Variants in SNRPB observed in about 807,000 individuals in gnomAD.
SNRPB encodes the protein small nuclear ribonucleoprotein-associated proteins B and B'.
A neutral mutation model predicts 26.6 loss-of-function variants in SNRPB; 5 were observed. That is an observed-to-expected ratio of 0.19 (90% CI 0.10 to 0.39). The LOEUF (loss-of-function observed/expected upper bound fraction) is 0.39. Among genes scored for constraint, SNRPB ranks in the 10% least tolerant of loss-of-function variants. The probability of loss-of-function intolerance (pLI) is 1.00; values close to 1 mark genes in which losing one functional copy is unlikely to be tolerated. For missense variants in SNRPB, 211 were observed against 311.9 expected (o/e 0.68, Z 2.44); for synonymous variants, 122 against 105.8 (o/e 1.15, Z -0.94).
chr20:2,464,588 A>C (rs1290545549), intron 3 of SNRPB, among the ~76,000 whole-genome samples: 2 of 152,252 alleles, frequency 1.3e-5, no homozygotes, highest in African/African-American at 4.8e-5. Flanking sequence ...AACTAGAAAA[A>C]TGTTAACATT....
intron 6 of SNRPB, 123 bp downstream of exon 6, chr20:2,462,513 T>C (rs1005480355): frequency 4.3e-6 from 4 of 934,786 alleles, no homozygotes; most frequent in African/African-American, 3.2e-5. Flanking sequence ...CTTTCCTTTC[T>C]GGATTTCCCT....
At chr20:2,467,097 G>A (rs149384959) in intron 2 of SNRPB, 2 of 290,020 alleles carry the variant, frequency 6.9e-6, no homozygotes, top group East Asian at 1.2e-4. Context: ...AATAACTTAC[G>A]GAATTGTAGC....
At position 2,465,772 on chromosome 20, in the gene SNRPB, C is replaced by T; in HGVS notation, c.203G>A (p.Gly68Asp). The T allele has an allele frequency of 6.2e-7, 1 of 1,613,764 alleles. No homozygotes were observed. Among genetic ancestry groups the T allele is most frequent in the Non-Finnish European group, 8.5e-7 (1 of 1,179,974 alleles). ...QAEREEKRVL[G>D]LVLLRGENLV... The stretch of plus-strand genomic sequence containing the variant: ...ATTCTCCCCTCGCAGCAGCACCAGA[C>T]CGAGGACTCGCTTCTCTTCCCTTTC... The change falls in exon 3 of 7, where the codon GGT (glycine) becomes GAT (aspartate). Residue 68 changes from glycine (G) to aspartate (D), a missense_variant. By Grantham distance (94) the Gly-to-Asp change is moderately conservative. Transcript: ENST00000381342.
Position 2,463,874 on chromosome 20 carries a change from G to C in SNRPB, c.293C>G (p.Ala98Gly), listed in dbSNP as rs2122486426. The change falls in exon 4 of 7, where the codon GCT (alanine) becomes GGT (glycine). Residue 98 changes from alanine to glycine, a missense_variant. By Grantham distance (60) the Ala-to-Gly change is moderately conservative. Transcript: ENST00000381342. The surrounding 1 kb of genome is among the most constrained non-coding windows in gnomAD (Gnocchi z 5.0). ...KDTGIARVPLAGAAGGPGIGR... is the reference protein window; with the variant it reads ...KDTGIARVPLGGAAGGPGIGR... ...GATCCCTGGGCCCCCGGCAGCTCCA[G>C]CAAGTGGAACTCGAGCAATACCAGT... is the stretch of plus-strand genomic sequence containing the variant. 2 of 1,613,526 alleles carry C rather than the reference G, an allele frequency of 1.2e-6. No homozygotes were observed. Among genetic ancestry groups the C allele is most frequent in the African/African-American group, 1.3e-5 (1 of 74,992 alleles).
Position 2,463,804 on chromosome 20 carries a change from G to T in SNRPB, c.363C>A (p.Pro121=). 6.2e-7 allele frequency: 1 copy of T among 1,613,294 alleles called. No homozygotes were observed. Among genetic ancestry groups the T allele is most frequent in the Admixed American group, 1.7e-5 (1 of 59,904 alleles). The part of the protein sequence containing the change: ...GRGIPAGVPM[P]QAPAGLAGPV... The stretch of plus-strand genomic sequence containing the variant: ...GCCCAGCAAGTCCTGCAGGAGCCTG[G>T]GGCATGGGAACCCCAGCTGGGATTC... Residue 121 remains proline (P), a synonymous_variant, in exon 4 of 7, where the codon CCC becomes CCA. Transcript: ENST00000381342. This position sits in a 1 kb window ranked among gnomAD's most constrained non-coding sequence, Gnocchi z 5.0.
intron 2 of SNRPB, among the ~76,000 whole-genome samples, chr20:2,466,335 C>T (rs1284353946): frequency 1.3e-5 from 2 of 152,196 alleles, no homozygotes; most frequent in African/African-American, 2.4e-5. Context: ...AGAAATTTCA[C>T]ATACACAGAA....
Position 2,467,761 on chromosome 20 carries a change from G to A in SNRPB, c.4-3C>T, listed in dbSNP as rs2085084310. The stretch of plus-strand genomic sequence containing the variant: ...ATCTTGCTGCTCTTGCCCACCGTCT[G>A]CAAGGAGAAATGGACAGGGATGAGA... On this transcript the variant is annotated splice_region_variant and splice_polypyrimidine_tract_variant and intron_variant, in intron 1 of 6. Coordinates refer to ENST00000381342, the MANE Select transcript of SNRPB (RefSeq NM_003091.4). 1.2e-6 allele frequency: 2 copies of A among 1,613,644 alleles called. No individual in the cohort carries two copies. Among genetic ancestry groups the A allele is most frequent in the South Asian group, 1.1e-5 (1 of 91,058 alleles).
intron 1 of SNRPB, among the ~76,000 whole-genome samples, chr20:2,468,745 G>C (rs543051295): frequency 6.6e-6 from 1 of 152,306 alleles, no homozygotes; most frequent in Non-Finnish European, 1.5e-5. Context: ...GGCTAACATG[G>C]CGAAGCCCCG....
chr20:2,469,823 T>A (rs892451564), intron 1 of SNRPB, among the ~76,000 whole-genome samples: 13 of 152,354 alleles, frequency 8.5e-5, no homozygotes, highest in African/African-American at 3.1e-4. Flanking sequence ...TCTTTCTTCC[T>A]TTCTCCTCCA....
chr20:2,463,260 G>C lies in SNRPB; in HGVS notation c.421-33C>G, dbSNP rs1236094799. 1 of 1,580,000 alleles carries C rather than the reference G, an allele frequency of 6.3e-7. No homozygotes were observed. Among genetic ancestry groups the C allele is most frequent in the Non-Finnish European group, 8.7e-7 (1 of 1,149,452 alleles). On this transcript the variant is annotated intron_variant, in intron 4 of 6. Coordinates refer to ENST00000381342, the MANE Select transcript of SNRPB (RefSeq NM_003091.4). This position sits in a 1 kb window ranked among gnomAD's most constrained non-coding sequence, Gnocchi z 5.0. ...GACATAAGAAGAAAGAGTTAGAAGA[G>C]TACAGTACAATGCAGCTTCCCACTC...
At position 2,463,302 on chromosome 20, in the gene SNRPB, GA is replaced by G; in HGVS notation, c.421-76del. On this transcript the variant is annotated intron_variant, in intron 4 of 6. Coordinates refer to ENST00000381342, the MANE Select transcript of SNRPB (RefSeq NM_003091.4). This position sits in a 1 kb window ranked among gnomAD's most constrained non-coding sequence, Gnocchi z 5.0. ...TTCCCACTCTCCTCCCCAACTTGGG[GA>G]AGGACAGTGGGAAATAACAGACACC... The G allele has an allele frequency of 5.1e-6, 6 of 1,172,346 alleles. No homozygotes were observed. The highest frequency in any genetic ancestry group is 1.5e-5 in the African/African-American group (1 of 66,622). 72.6% of individuals were successfully genotyped at this position (1,172,346 alleles called of 1,614,324 possible). A position where few individuals can be genotyped will look rare whatever the true frequency, so the allele number is the denominator to read the frequency against.
intron 3 of SNRPB, among the ~76,000 whole-genome samples, chr20:2,464,812 A>G (rs1190926421): frequency 1.3e-5 from 2 of 152,026 alleles, no homozygotes; most frequent in Non-Finnish European, 2.9e-5. Context: ...AGAGGTTGCA[A>G]TAAGCCAAGA....
chr20:2,470,672 C>T lies in SNRPB; in HGVS notation c.3+16G>A. On this transcript the variant is annotated intron_variant, in intron 1 of 6. Transcript: ENST00000381342. ...GACTCGGAAGCTCCCGCGCCGCCAG[C>T]CTGTGCCCTCCTTACCATGGTGGCG... 6.2e-7 allele frequency: 1 copy of T among 1,613,670 alleles called. No homozygotes were observed. The highest frequency in any genetic ancestry group is 8.5e-7 in the Non-Finnish European group (1 of 1,180,008).
At chr20:2,462,163 G>T (rs1410175007) in intron 6 of SNRPB, among the ~76,000 whole-genome samples, 2 of 152,136 alleles carry the variant, frequency 1.3e-5, no homozygotes, top group African/African-American at 4.8e-5. Context: ...TTTGCCCATG[G>T]GTTATCTTAT....
Position 2,463,045 on chromosome 20 carries a change from G to A in SNRPB, c.559+44C>T, listed in dbSNP as rs758950973. On this transcript the variant is annotated intron_variant, in intron 5 of 6. Transcript: ENST00000381342. This position sits in a 1 kb window ranked among gnomAD's most constrained non-coding sequence, Gnocchi z 5.0. ...ATATCTCATCATTAATCCAGCTAAG[G>A]CATCTTCTATCAATTAGCACTGGTC... 1.4e-6 allele frequency: 2 copies of A among 1,479,170 alleles called. No homozygotes were observed. The highest frequency in any genetic ancestry group is 1.8e-6 in the Non-Finnish European group (2 of 1,099,824). 91.6% of individuals were successfully genotyped at this position (1,479,170 alleles called of 1,614,324 possible). A position where few individuals can be genotyped will look rare whatever the true frequency, so the allele number is the denominator to read the frequency against.
chr20:2,465,957 A>G (rs2085070708), intron 2 of SNRPB, 138 bp from the exon 3 acceptor site: 3 of 649,708 alleles, frequency 4.6e-6, no homozygotes, highest in Non-Finnish European at 8.3e-6. Context: ...CCTCCTGGAT[A>G]GTCTCTACAG....
In SNRPB at chr20:2,470,706, G is replaced by A. The variant is rs1158784200; in HGVS notation, c.-16C>T. 5 of 1,613,258 alleles carry A rather than the reference G, an allele frequency of 3.1e-6. No individual in the cohort carries two copies. The highest frequency in any genetic ancestry group is 4.2e-6 in the Non-Finnish European group (5 of 1,180,012). On this transcript the variant is annotated 5_prime_UTR_variant, in exon 1 of 7. Transcript: ENST00000381342. ...TCCTTACCATGGTGGCGGTTCTGAT[G>A]GCTCTGATACCCGCCGGATTCGCCT...
chr20:2,468,624 G>T (rs960705199), intron 1 of SNRPB, among the ~76,000 whole-genome samples: 1 of 152,192 alleles, frequency 6.6e-6, no homozygotes, highest in Non-Finnish European at 1.5e-5. Flanking sequence ...CAAATATGCA[G>T]ATCAAAACCT....
chr20:2,462,643 C>G lies in SNRPB; in HGVS notation c.678G>C (p.Gly226=). 1 of 1,613,122 alleles carries G rather than the reference C, an allele frequency of 6.2e-7. No homozygotes were observed. The highest frequency in any genetic ancestry group is 1.1e-5 in the South Asian group (1 of 91,078). ...ACCACTGCAGGCACTTACCTCGCAT[C>G]CCAGGGGGAGGAGGCCGCATTCCCG... ...PPPGMRPPPP[G]MRGLL Residue 226 remains glycine (G), a synonymous_variant, in exon 6 of 7, where the codon GGG becomes GGC. Coordinates refer to ENST00000381342, the MANE Select transcript of SNRPB (RefSeq NM_003091.4).
Sources: allele counts gnomAD v4.1 joint callset (sites outside exome capture counted in the v4.1 genomes callset), GRCh38; gene constraint gnomAD v4.1.1; non-coding constraint Gnocchi (gnomAD v3.1); transcripts MANE v1.5; gene names NCBI Gene and HGNC (gene_info 2026-07-23, HGNC 2026-07-21).